Variants in GRM8 observed in about 807,000 individuals in gnomAD.
The protein encoded by GRM8 is glutamate metabotropic receptor 8.
A neutral mutation model predicts 87.2 loss-of-function variants in GRM8; 47 were observed. The observed-to-expected ratio is 0.54, with a 90% CI of 0.43 to 0.69. The LOEUF (loss-of-function observed/expected upper bound fraction) is 0.69, where lower values mean the gene tolerates loss of function less well. Ranked by LOEUF, GRM8 falls within the 30% of genes least tolerant of loss-of-function variation. The pLI, the probability that GRM8 is intolerant of heterozygous loss-of-function variation, is 0.00. For missense variants in GRM8, 1,019 were observed against 1,139.2 expected, an observed-to-expected ratio of 0.89 and a Z score of 1.52; for synonymous variants, 396 against 404.5, an observed-to-expected ratio of 0.98 and a Z score of 0.25.
At chr7:126,891,122 A>G (rs1291265115) in intron 6 of GRM8, among the ~76,000 whole-genome samples, 1 of 151,996 alleles carries the variant, frequency 6.6e-6, no homozygotes, top group African/African-American at 2.4e-5. Flanking sequence ...TGCTCTTTCA[A>G]TCAATGACCG....
chr7:126,574,277 G>A (rs1158307570), intron 8 of GRM8, among the ~76,000 whole-genome samples: 1 of 152,084 alleles, frequency 6.6e-6, no homozygotes, highest in African/African-American at 2.4e-5. Flanking sequence ...ATAGTTACTG[G>A]CAGAACATTG....
intron 8 of GRM8, among the ~76,000 whole-genome samples, chr7:126,600,483 C>A (rs1389763812): frequency 1.3e-5 from 2 of 152,118 alleles, no homozygotes; most frequent in African/African-American, 4.8e-5. Flanking sequence ...ATATCTTATA[C>A]TGATGCCCTG....
Position 126,525,920 on chromosome 7 carries a change from A to T in GRM8, c.2430+7032T>A, listed in dbSNP as rs144090706. Among the ~76,000 whole-genome samples, 355 of 152,320 alleles carry T rather than the reference A, an allele frequency of 2.3e-3. 3 individuals carry two copies. Among genetic ancestry groups the T allele is most frequent in the African/African-American group, 8.2e-3 (342 of 41,568 alleles). On this transcript the variant is annotated intron_variant, in intron 9 of 10. Transcript: ENST00000339582. The stretch of plus-strand genomic sequence containing the variant: ...CATATTTCTTTTAATTATTCAAATA[A>T]ATCTGTTTCGAATTTATTTTAGATA...
At chr7:126,456,519 TAAAA>T (rs513) in intron 9 of GRM8, among the ~76,000 whole-genome samples, 37 of 69,696 alleles carry the variant, frequency 5.3e-4, no homozygotes, top group African/African-American at 2.7e-3. Flanking sequence ...AGCAGCAAGC[TAAAA>T]AAAAAAAAAA....
chr7:126,974,352 AT>A (rs1810733940), intron 3 of GRM8, among the ~76,000 whole-genome samples: 1 of 152,162 alleles, frequency 6.6e-6, no homozygotes, highest in African/African-American at 2.4e-5. Context: ...TGCTTTTGTC[AT>A]CAAAAAAGTA....
At chr7:126,768,357 TAAAA>T (rs57868820) in intron 7 of GRM8, among the ~76,000 whole-genome samples, 11 of 53,550 alleles carry the variant, frequency 2.1e-4, no homozygotes, top group African/African-American at 7.5e-4. Context: ...TTTGATAATG[TAAAA>T]AAAAAAAAAA....
intron 2 of GRM8, among the ~76,000 whole-genome samples, chr7:127,172,768 A>G (rs1217672626): frequency 6.6e-6 from 1 of 152,058 alleles, no homozygotes; most frequent in Non-Finnish European, 1.5e-5. Flanking sequence ...TGCATATTAT[A>G]TATTATTCAT....
intron 2 of GRM8, among the ~76,000 whole-genome samples, chr7:127,206,850 T>C (rs1303871438): frequency 1.3e-5 from 2 of 152,222 alleles, no homozygotes; most frequent in African/African-American, 4.8e-5. Context: ...TAGAAGACTT[T>C]TCCTTAATTA....
chr7:126,564,872 T>A (rs1256043256), intron 8 of GRM8, among the ~76,000 whole-genome samples: 1 of 152,154 alleles, frequency 6.6e-6, no homozygotes, highest in Non-Finnish European at 1.5e-5. Flanking sequence ...AAAAGGATCA[T>A]ACACCATGGC....
Position 126,533,139 on chromosome 7 carries a change from G to A in GRM8, c.2243C>T (p.Ser748Leu), listed in dbSNP as rs1239057496. 6.2e-7 allele frequency: 1 copy of A among 1,613,244 alleles called. No homozygotes were observed. Residue 748 changes from serine to leucine, a missense_variant, in exon 9 of 11, where the codon TCA (serine) becomes TTA (leucine). Physicochemically the swap from Ser to Leu is moderately radical, Grantham distance 145 (BLOSUM62 -2). Transcript: ENST00000339582. ...GVLKCDISDL[S>L]LICSLGYSIL... ...ACTGTATCCAAGTGAACAAATGAGT[G>A]AGAGATCAGAAATGTCACACTTGAG...
chr7:127,156,567 C>A (rs370532490), intron 2 of GRM8, among the ~76,000 whole-genome samples: 2 of 152,112 alleles, frequency 1.3e-5, no homozygotes, highest in African/African-American at 4.8e-5. Flanking sequence ...CACTCCATCA[C>A]CCTCCTCTTC....
rs71177572 is a variant in GRM8, at chr7:126,869,933, T to TAAAAAA, written c.1156+32603_1156+32608dup. 3.4e-4 allele frequency: 26 copies of TAAAAAA among 77,258 alleles called. 1 individual carries two copies. The highest frequency in any genetic ancestry group is 9.3e-4 in the African/African-American group (19 of 20,432). 4.8% of individuals were successfully genotyped at this position (77,258 alleles called of 1,614,324 possible). A position where few individuals can be genotyped will look rare whatever the true frequency, so the allele number is the denominator to read the frequency against. On this transcript the variant is annotated intron_variant, in intron 6 of 10. Transcript: ENST00000339582. ...CAGGTATTGACTTTTCCTCATAGAT[T>TAAAAAA]AAAAAAAAAAAAAAAAAAAAAAAAA...
intron 3 of GRM8, among the ~76,000 whole-genome samples, chr7:126,992,806 CGT>C (rs34876222): frequency 0.16 from 23,484 of 146,858 alleles, 2,045 homozygotes; most frequent in Non-Finnish European, 0.22. Context: ...TCTCTCTCTC[CGT>C]GTGTGTGTGT....
intron 3 of GRM8, chr7:127,084,199 G>A (rs534874410): frequency 6.6e-6 from 1 of 152,302 alleles, no homozygotes; most frequent in Admixed American, 6.5e-5. Flanking sequence ...TCTTTTAGGA[G>A]TTAAAAAGAT....
rs557141627 is a variant in GRM8, at chr7:126,651,763, A to T, written c.1358-42265T>A. On this transcript the variant is annotated intron_variant, in intron 7 of 10. Transcript: ENST00000339582. ...CAGACTATCAAGATGAAATCAGTCTACTGCTCCACAATGAAGGTAAAGAAG... is the reference window on the plus strand; with the variant it reads ...CAGACTATCAAGATGAAATCAGTCTTCTGCTCCACAATGAAGGTAAAGAAG... 5.3e-5 allele frequency among the ~76,000 whole-genome samples: 8 copies of T among 152,330 alleles called. No individual in the cohort carries two copies. In the East Asian group the frequency reaches 1.5e-3, roughly 29 times the overall value.
intron 7 of GRM8, among the ~76,000 whole-genome samples, chr7:126,687,801 G>C (rs1389863883): frequency 6.6e-6 from 1 of 151,486 alleles, no homozygotes; most frequent in Non-Finnish European, 1.5e-5. Flanking sequence ...GACAGATGTT[G>C]CTATCTTATC....
intron 3 of GRM8, among the ~76,000 whole-genome samples, chr7:126,994,827 C>T (rs1045994163): frequency 1.3e-5 from 2 of 151,986 alleles, no homozygotes; most frequent in Non-Finnish European, 2.9e-5. Flanking sequence ...AACTGACTGC[C>T]CTGAAGGAAA....
chr7:126,872,451 C>T (rs1309502913), intron 6 of GRM8, among the ~76,000 whole-genome samples: 2 of 152,082 alleles, frequency 1.3e-5, no homozygotes, highest in East Asian at 3.9e-4. Flanking sequence ...ATTCTTTCCG[C>T]TACTAAGACG....
intron 2 of GRM8, among the ~76,000 whole-genome samples, chr7:127,148,400 C>A (rs1042766647): frequency 3.3e-5 from 5 of 150,318 alleles, no homozygotes; most frequent in African/African-American, 1.2e-4. Context: ...CCACTTTCAA[C>A]AATAGATAGA....
Sources: allele counts gnomAD v4.1 joint callset (sites outside exome capture counted in the v4.1 genomes callset), GRCh38; gene constraint gnomAD v4.1.1; transcripts MANE v1.5; gene names NCBI Gene and HGNC (gene_info 2026-07-23, HGNC 2026-07-21).